The following DAB1 variants were observed in gnomAD, a reference collection of about 807,000 sequenced individuals.
DAB1 encodes disabled homolog 1.
DAB1 carries 15 observed loss-of-function variants against 64.6 expected under a neutral mutation model. The observed-to-expected ratio is 0.23, with a 90% confidence interval of 0.16 to 0.36. The LOEUF (loss-of-function observed/expected upper bound fraction) is 0.36, where lower values mean the gene tolerates loss of function less well. Among genes scored for constraint, DAB1 ranks in the 10% least tolerant of loss-of-function variants. DAB1 has a pLI of 1.00. For missense variants in DAB1, 596 were observed against 706.7 expected, an observed-to-expected ratio of 0.84 and a Z score of 1.78; for synonymous variants, 235 against 251.9, an observed-to-expected ratio of 0.93 and a Z score of 0.64.
intron 5 of DAB1, among the ~76,000 whole-genome samples, chr1:57,996,136 G>C (rs1646421652): frequency 6.6e-6 from 1 of 152,074 alleles, no homozygotes; most frequent in South Asian, 2.1e-4. Context: ...GCGGGTGCCT[G>C]TAATCTCAGC....
At chr1:58,274,374 C>T (rs1661378851) in intron 4 of DAB1, among the ~76,000 whole-genome samples, 1 of 137,186 alleles carries the variant, frequency 7.3e-6, no homozygotes, top group Non-Finnish European at 1.6e-5. Context: ...CTCAGATCTC[C>T]AGCTGCGTGC....
intron 5 of DAB1, among the ~76,000 whole-genome samples, chr1:58,007,731 C>T (rs1175735292): frequency 6.6e-6 from 1 of 152,114 alleles, no homozygotes; most frequent in Non-Finnish European, 1.5e-5. Context: ...TAAATAACTC[C>T]CTCTCCTACC....
At chr1:57,158,052 G>C (rs895840300) in intron 2 of DAB1, among the ~76,000 whole-genome samples, 2 of 152,128 alleles carry the variant, frequency 1.3e-5, no homozygotes, top group Non-Finnish European at 2.9e-5. Flanking sequence ...GTATAAGCAA[G>C]TTAAAGTTTC....
intron 7 of DAB1, among the ~76,000 whole-genome samples, chr1:57,600,715 T>C (rs1360005544): frequency 6.6e-6 from 1 of 152,204 alleles, no homozygotes; most frequent in Admixed American, 6.5e-5. Flanking sequence ...TAATGAGTTG[T>C]CAGCCTGAAG....
intron 3 of DAB1, among the ~76,000 whole-genome samples, chr1:58,405,632 T>C (rs1644609753): frequency 6.6e-6 from 1 of 152,218 alleles, no homozygotes; most frequent in Non-Finnish European, 1.5e-5. Context: ...AGTGCTAGGA[T>C]GTTTAATTGT....
At chr1:57,980,783 A>G (rs899471633) in intron 5 of DAB1, among the ~76,000 whole-genome samples, 1 of 152,138 alleles carries the variant, frequency 6.6e-6, no homozygotes, top group Non-Finnish European at 1.5e-5. Flanking sequence ...GCAGTTCGGC[A>G]GTATGTATTA....
intron 7 of DAB1, among the ~76,000 whole-genome samples, chr1:57,620,097 A>G (rs1461508997): frequency 6.6e-6 from 1 of 152,144 alleles, no homozygotes; most frequent in Non-Finnish European, 1.5e-5. Context: ...TTCCCTCCAG[A>G]GCAGGCTTGC....
At chr1:57,178,274 C>A (rs1662544348) in intron 2 of DAB1, among the ~76,000 whole-genome samples, 1 of 146,678 alleles carries the variant, frequency 6.8e-6, no homozygotes. Context: ...TCCATAATTG[C>A]AAGCTTATGT....
chr1:58,042,910 T>C (rs148250139), intron 5 of DAB1, among the ~76,000 whole-genome samples: 2 of 152,258 alleles, frequency 1.3e-5, no homozygotes, highest in African/African-American at 4.8e-5. Context: ...TTTACTACAC[T>C]GTGGGGTGAT....
chr1:58,002,056 G>A (rs1045901267), intron 5 of DAB1, among the ~76,000 whole-genome samples: 7 of 152,160 alleles, frequency 4.6e-5, no homozygotes, highest in Non-Finnish European at 8.8e-5. Flanking sequence ...GTAGGAACTG[G>A]CCCTCCCAAC....
chr1:58,526,255 TTTA>T (rs1345671957), intron 2 of DAB1, among the ~76,000 whole-genome samples: 1 of 152,120 alleles, frequency 6.6e-6, no homozygotes, highest in East Asian at 1.9e-4. Context: ...CTTAATCACA[TTTA>T]TTTAACATTC....
intron 11 of DAB1, among the ~76,000 whole-genome samples, chr1:57,021,489 G>A (rs1013034033): frequency 7.2e-5 from 11 of 152,190 alleles, no homozygotes; most frequent in African/African-American, 2.7e-4. Context: ...AGTCTCATGA[G>A]ATCTGATGGT....
chr1:57,387,643 G>A (rs1681986309), intron 1 of DAB1, among the ~76,000 whole-genome samples: 1 of 152,078 alleles, frequency 6.6e-6, no homozygotes, highest in East Asian at 1.9e-4. Flanking sequence ...CCGATGTGGT[G>A]AAGCCCCATC....
At chr1:57,133,137 G>A (rs1399596815) in intron 4 of DAB1, among the ~76,000 whole-genome samples, 2 of 152,130 alleles carry the variant, frequency 1.3e-5, no homozygotes, top group Admixed American at 1.3e-4. Flanking sequence ...GTAAGTGTTG[G>A]CTCATTCAAA....
At chr1:58,202,704 A>G (rs988881024) in intron 4 of DAB1, among the ~76,000 whole-genome samples, 6 of 152,234 alleles carry the variant, frequency 3.9e-5, no homozygotes, top group Admixed American at 3.3e-4. Flanking sequence ...GTACAAGCTA[A>G]TTATACTTTA....
intron 2 of DAB1, among the ~76,000 whole-genome samples, chr1:57,269,670 C>T (rs1196917257): frequency 6.6e-6 from 1 of 152,184 alleles, no homozygotes; most frequent in Admixed American, 6.5e-5. Context: ...TCCAACCTCT[C>T]ACCCTGAGAT....
At chr1:57,043,803 C>CA (rs1229996727) in intron 9 of DAB1, among the ~76,000 whole-genome samples, 2 of 151,756 alleles carry the variant, frequency 1.3e-5, no homozygotes, top group Non-Finnish European at 2.9e-5. Flanking sequence ...GCCGAGATTG[C>CA]ACCACTCCAC....
intron 5 of DAB1, among the ~76,000 whole-genome samples, chr1:57,968,312 T>G (rs1039053561): frequency 6.6e-6 from 1 of 152,164 alleles, no homozygotes; most frequent in Non-Finnish European, 1.5e-5. Flanking sequence ...CTTCCATCCC[T>G]TTTTAATTAG....
At chr1:57,508,625 C>T (rs892840525) in intron 7 of DAB1, among the ~76,000 whole-genome samples, 1 of 152,170 alleles carries the variant, frequency 6.6e-6, no homozygotes, top group East Asian at 1.9e-4. Context: ...CAGACAATGT[C>T]TAAACCAATG....
Sources: gnomAD v4.1 joint callset for allele counts (sites outside exome capture counted in the v4.1 genomes callset) on GRCh38, gnomAD v4.1.1 for gene constraint, MANE v1.5 for transcripts, NCBI Gene and HGNC (gene_info 2026-07-23, HGNC 2026-07-21) for gene names.